Variants in ITGB3BP observed in about 807,000 individuals in gnomAD.
ITGB3BP encodes the protein centromere protein R.
Under a neutral mutation model 29.1 loss-of-function variants are expected in ITGB3BP, and 27 were observed. The observed-to-expected ratio is 0.93, with a 90% CI of 0.68 to 1.28. The LOEUF is 1.28. Ranked by LOEUF, ITGB3BP falls within the 50% of genes most tolerant of loss-of-function variation. The pLI is 0.00. For missense variants in ITGB3BP, 192 were observed against 200.2 expected, an observed-to-expected ratio of 0.96 and a Z score of 0.25; for synonymous variants, 61 against 61.4, an observed-to-expected ratio of 0.99 and a Z score of 0.03.
chr1:63,446,361 A>G (rs1452587345), intron 8 of ITGB3BP, among the ~76,000 whole-genome samples: 1 of 152,234 alleles, frequency 6.6e-6, no homozygotes, highest in Non-Finnish European at 1.5e-5. Flanking sequence ...GGCAAGGTAT[A>G]ACTAATAAAT....
rs988865104 is a variant in ITGB3BP, at chr1:63,504,331, A to T, written c.48+4197T>A. 5.3e-5 allele frequency among the ~76,000 whole-genome samples: 8 copies of T among 151,850 alleles called. 1 individual carries two copies. Among genetic ancestry groups the T allele is most frequent in the African/African-American group, 1.9e-4 (8 of 41,170 alleles). ...TCTGTTTGTCTGTTATTGGTGTATA[A>T]GAATGCTTGTGATTTTTGTACATTG... is the stretch of plus-strand genomic sequence containing the variant. On this transcript the variant is annotated intron_variant, in intron 2 of 8. Transcript: ENST00000271002.
chr1:63,443,408 C>T (rs752368367), intron 8 of ITGB3BP, among the ~76,000 whole-genome samples: 1 of 151,970 alleles, frequency 6.6e-6, no homozygotes, highest in Non-Finnish European at 1.5e-5. Context: ...GTTGAGCAGA[C>T]AAGACCCAAG....
In ITGB3BP at chr1:63,529,055, T is replaced by C. The variant is rs571243861; in HGVS notation, n.253+76A>G. On this transcript the variant is annotated intron_variant and non_coding_transcript_variant, in intron 2 of 4. Coordinates refer to the ITGB3BP transcript ENST00000478138. ...TGGGGTTGGAATCCTAAAACACATA[T>C]TGCCATTTCTTTGATTCTGTAAACA... The C allele has an allele frequency of 1.3e-4, 20 of 152,296 alleles. No individual in the cohort carries two copies. The South Asian group carries it at 4.1e-3, about 32-fold the overall frequency. 9.4% of individuals were successfully genotyped at this position (152,296 alleles called of 1,614,324 possible). A position where few individuals can be genotyped will look rare whatever the true frequency, so the allele number is the denominator to read the frequency against.
At position 63,445,767 on chromosome 1, in the gene ITGB3BP, C is replaced by T. The variant is rs144212232; in HGVS notation, c.*1+1039G>A. ...GCGCCACCATACCCAGCTTATTTTTCTATTTTTTTGTAGAGACATGGTCTG... is the reference window on the plus strand; with the variant it reads ...GCGCCACCATACCCAGCTTATTTTTTTATTTTTTTGTAGAGACATGGTCTG... On this transcript the variant is annotated intron_variant, in intron 8 of 8. Coordinates refer to ENST00000271002, the MANE Select transcript of ITGB3BP (RefSeq NM_014288.5). 7.8e-3 allele frequency among the ~76,000 whole-genome samples: 1,190 copies of T among 151,784 alleles called. 12 individuals carry two copies. Among genetic ancestry groups the T allele is most frequent in the African/African-American group, 0.026 (1,076 of 41,394 alleles).
intron 4 of ITGB3BP, among the ~76,000 whole-genome samples, chr1:63,461,114 C>T (rs1009655659): frequency 1.3e-5 from 2 of 150,186 alleles, no homozygotes. Context: ...GTTAGCCAGG[C>T]ATGGTGGCGG....
At chr1:63,455,936 T>A (rs575757679) in intron 4 of ITGB3BP, among the ~76,000 whole-genome samples, 2 of 152,278 alleles carry the variant, frequency 1.3e-5, no homozygotes, top group East Asian at 3.9e-4. Context: ...CAACATATAA[T>A]GAATATAAAA....
In ITGB3BP at chr1:63,454,015, A is replaced by C; in HGVS notation, c.428-41T>G. 1 of 1,148,724 alleles carries C rather than the reference A, an allele frequency of 8.7e-7. No individual in the cohort carries two copies. The allele number at this position is 1,148,724 out of a possible 1,614,324, so 71.2% of individuals were successfully genotyped here. A position where few individuals can be genotyped will look rare whatever the true frequency, so the allele number is the denominator to read the frequency against. Reference sequence around the variant, plus strand: ...ATCCCATGTCAAGAATTAACATAGAATATGGATAATTTCTCAATACTTGCA... The same window carrying C: ...ATCCCATGTCAAGAATTAACATAGACTATGGATAATTTCTCAATACTTGCA... On this transcript the variant is annotated intron_variant, in intron 6 of 8. Transcript: ENST00000271002. The surrounding 1 kb of genome is among the most constrained non-coding windows in gnomAD (Gnocchi z 4.1).
intron 3 of ITGB3BP, among the ~76,000 whole-genome samples, chr1:63,486,831 A>G (rs1645540366): frequency 6.6e-6 from 1 of 152,020 alleles, no homozygotes; most frequent in African/African-American, 2.4e-5. Context: ...GCAATACACA[A>G]TTTACTTGAG....
At chr1:63,455,545 A>G (rs2100510150) in intron 4 of ITGB3BP, among the ~76,000 whole-genome samples, 1 of 152,196 alleles carries the variant, frequency 6.6e-6, no homozygotes, top group South Asian at 2.1e-4. Context: ...CCTGGGTTCA[A>G]TCGATCCTCT....
chr1:63,496,014 T>C (rs1167380481), intron 2 of ITGB3BP, among the ~76,000 whole-genome samples: 1 of 151,952 alleles, frequency 6.6e-6, no homozygotes, highest in East Asian at 1.9e-4. Context: ...GGTATGATTA[T>C]GGGCAAAAGG....
At chr1:63,458,752 A>G (rs1012779546) in intron 4 of ITGB3BP, among the ~76,000 whole-genome samples, 27 of 152,262 alleles carry the variant, frequency 1.8e-4, no homozygotes, top group South Asian at 4.1e-4. Flanking sequence ...ATTTACTGTT[A>G]CAACCTGTGT....
intron 1 of ITGB3BP, among the ~76,000 whole-genome samples, chr1:63,509,307 A>G (rs954348378): frequency 6.6e-6 from 1 of 152,222 alleles, no homozygotes; most frequent in Non-Finnish European, 1.5e-5. Flanking sequence ...AGTCATCAAC[A>G]TTTTATTCAA....
In ITGB3BP at chr1:63,512,536, C is replaced by T. The variant is rs540560734; in HGVS notation, c.6-3966G>A. 3.9e-5 allele frequency among the ~76,000 whole-genome samples: 6 copies of T among 152,150 alleles called. No individual in the cohort carries two copies. In the East Asian group the frequency reaches 1.2e-3, roughly 29 times the overall value. ...TTAGTTTAAATACAATTTTGAATAACAGGACTGAGGGGAAGAATGGGGGGT... is the reference window on the plus strand; with the variant it reads ...TTAGTTTAAATACAATTTTGAATAATAGGACTGAGGGGAAGAATGGGGGGT... On this transcript the variant is annotated intron_variant, in intron 1 of 8. Coordinates refer to ENST00000271002, the MANE Select transcript of ITGB3BP (RefSeq NM_014288.5).
At chr1:63,500,252 C>T (rs111271481) in intron 2 of ITGB3BP, among the ~76,000 whole-genome samples, 11 of 152,132 alleles carry the variant, frequency 7.2e-5, no homozygotes, top group African/African-American at 2.7e-4. Flanking sequence ...GTTGTGTGCA[C>T]CTGTAGTCCC....
chr1:63,485,050 C>T (rs554965044), intron 3 of ITGB3BP, among the ~76,000 whole-genome samples: 1 of 151,936 alleles, frequency 6.6e-6, no homozygotes, highest in Admixed American at 6.6e-5. Context: ...TTTTAAAAAG[C>T]TAGTATTTGC....
intron 1 of ITGB3BP, among the ~76,000 whole-genome samples, chr1:63,521,176 C>T (rs1399613303): frequency 6.6e-6 from 1 of 151,934 alleles, no homozygotes; most frequent in East Asian, 1.9e-4. Flanking sequence ...TTCAACATCA[C>T]TTAAAAATGA....
Position 63,503,167 on chromosome 1 carries a change from C to T in ITGB3BP, c.48+5361G>A, listed in dbSNP as rs559290674. ...GTGTTCCTATTTCTCCACATCCTCT[C>T]CAGCACCTGTTGTTTCCTGACTTTT... On this transcript the variant is annotated intron_variant, in intron 2 of 8. Coordinates refer to ENST00000271002, the MANE Select transcript of ITGB3BP (RefSeq NM_014288.5). Among the ~76,000 whole-genome samples, 7 of 152,246 alleles carry T rather than the reference C, an allele frequency of 4.6e-5. No homozygotes were observed. In the South Asian group the frequency reaches 1.2e-3, roughly 27 times the overall value.
In ITGB3BP at chr1:63,440,814, A is replaced by G. The variant is rs942525784; in HGVS notation, c.*291T>C. The G allele has an allele frequency of 1.3e-5, 2 of 152,664 alleles. No homozygotes were observed. Among genetic ancestry groups the G allele is most frequent in the African/African-American group, 2.4e-5 (1 of 41,464 alleles). The allele number at this position is 152,664 out of a possible 1,614,324, so 9.5% of individuals were successfully genotyped here. A position where few individuals can be genotyped will look rare whatever the true frequency, so the allele number is the denominator to read the frequency against. ...TTATTAAGTCTACCCACAAATGCTAAAAGTCCACAGAAGTGTATGTGGTAC... is the reference window on the plus strand; with the variant it reads ...TTATTAAGTCTACCCACAAATGCTAGAAGTCCACAGAAGTGTATGTGGTAC... On this transcript the variant is annotated 3_prime_UTR_variant, in exon 9 of 9. Coordinates refer to ENST00000271002, the MANE Select transcript of ITGB3BP (RefSeq NM_014288.5).
rs60111018 is a variant in ITGB3BP, at chr1:63,493,417, AAAACAAAC to A, written c.49-3207_49-3200del. ...GCGACACAGGGAGATTCTGTCTCAA[AAAACAAAC>A]AAACAAACAAACAAACAAACAAACA... On this transcript the variant is annotated intron_variant, in intron 2 of 8. Coordinates refer to ENST00000271002, the MANE Select transcript of ITGB3BP (RefSeq NM_014288.5). 9.2e-3 allele frequency among the ~76,000 whole-genome samples: 1,343 copies of A among 145,572 alleles called. 23 individuals are homozygous for A. The East Asian group carries it at 0.098, about 11-fold the overall frequency.
Sources: gnomAD v4.1 joint callset for allele counts (sites outside exome capture counted in the v4.1 genomes callset) on GRCh38, gnomAD v4.1.1 for gene constraint, Gnocchi (gnomAD v3.1) non-coding constraint, MANE v1.5 for transcripts, NCBI Gene and HGNC (gene_info 2026-07-23, HGNC 2026-07-21) for gene names.